GPHN: variants seen among roughly 807,000 people sequenced by gnomAD.
The protein encoded by GPHN is gephyrin.
GPHN carries 17 observed loss-of-function variants against 95.5 expected under a neutral mutation model. The observed-to-expected ratio is 0.18, with a 90% CI of 0.12 to 0.27. The LOEUF is 0.27. GPHN is among the 10% of genes least tolerant of loss of function. The pLI is 1.00. For missense variants in GPHN, 660 were observed against 978.1 expected (o/e 0.67, Z 4.34); for synonymous variants, 320 against 322.5 (o/e 0.99, Z 0.08).
At chr14:67,167,540 T>C (rs17104067) in intron 20 of GPHN, among the ~76,000 whole-genome samples, 7,732 of 152,294 alleles carry the variant, frequency 0.051, 210 homozygotes, top group Middle Eastern at 0.068. Flanking sequence ...AATCTATTCT[T>C]AAGCACTTTT....
At chr14:67,275,054 G>A in the GPHN span, among the ~76,000 whole-genome samples, 3,657 of 152,268 alleles carry the variant, frequency 0.024, 70 homozygotes, top group Non-Finnish European at 0.036. Context: ...AGACAATCAT[G>A]TCATCTGCAA....
chr14:67,003,114 C>T (rs1414888555), intron 9 of GPHN, among the ~76,000 whole-genome samples: 2 of 151,604 alleles, frequency 1.3e-5, no homozygotes, highest in East Asian at 1.9e-4. Context: ...TCCAAAATCA[C>T]TTTCCCATTT....
At chr14:66,734,207 A>G (rs200968327) in intron 2 of GPHN, among the ~76,000 whole-genome samples, 4 of 152,284 alleles carry the variant, frequency 2.6e-5, no homozygotes, top group East Asian at 1.9e-4. Context: ...GTGGCTCTCT[A>G]TAACATTCAG....
the GPHN span, among the ~76,000 whole-genome samples, chr14:67,630,095 T>C: frequency 3.9e-5 from 6 of 152,268 alleles, no homozygotes; most frequent in African/African-American, 1.4e-4. Flanking sequence ...GGGTAGGGAC[T>C]CTCTCAACTT....
chr14:67,247,587 T>C, the GPHN span, among the ~76,000 whole-genome samples: 1 of 146,492 alleles, frequency 6.8e-6, no homozygotes, highest in Admixed American at 6.8e-5. Context: ...TCTTGTTCAC[T>C]TTTTTTTTTT....
intron 1 of GPHN, among the ~76,000 whole-genome samples, chr14:66,669,190 C>G (rs969790186): frequency 3.9e-5 from 6 of 152,012 alleles, no homozygotes; most frequent in Non-Finnish European, 8.8e-5. Flanking sequence ...ATGGAGAAAC[C>G]CCATCTCTAC....
chr14:67,432,365 G>A, the GPHN span, among the ~76,000 whole-genome samples: 3 of 152,218 alleles, frequency 2.0e-5, no homozygotes, highest in East Asian at 1.9e-4. Flanking sequence ...CTTGGCGAAC[G>A]AGCCCTGGTT....
At chr14:67,451,709 G>A in the GPHN span, among the ~76,000 whole-genome samples, 7 of 152,190 alleles carry the variant, frequency 4.6e-5, no homozygotes, top group African/African-American at 1.2e-4. Flanking sequence ...GATTTTACAG[G>A]CTCATAGATA....
chr14:67,545,518 G>C, the GPHN span, among the ~76,000 whole-genome samples: 1 of 151,890 alleles, frequency 6.6e-6, no homozygotes, highest in Non-Finnish European at 1.5e-5. Context: ...ATACAGATAG[G>C]GACAAGAAAA....
At chr14:67,097,871 C>G (rs1260080052) in intron 12 of GPHN, among the ~76,000 whole-genome samples, 1 of 152,080 alleles carries the variant, frequency 6.6e-6, no homozygotes, top group African/African-American at 2.4e-5. Context: ...TATACACACA[C>G]ATATATAACA....
At chr14:67,315,626 T>A in the GPHN span, among the ~76,000 whole-genome samples, 1 of 152,210 alleles carries the variant, frequency 6.6e-6, no homozygotes, top group East Asian at 1.9e-4. Flanking sequence ...TAGTTACTTG[T>A]ACTAAGAATA....
chr14:67,224,022 A>T, the GPHN span: 4 of 971,214 alleles, frequency 4.1e-6, no homozygotes, highest in Non-Finnish European at 4.9e-6. Flanking sequence ...AATTCCTGGC[A>T]TTATTAAGCT....
the GPHN span, chr14:67,381,726 C>T: frequency 1.3e-5 from 18 of 1,395,024 alleles, no homozygotes; most frequent in Non-Finnish European, 1.8e-5. Context: ...TGCTGAAATG[C>T]TCACCTAAAC....
intron 10 of GPHN, among the ~76,000 whole-genome samples, chr14:67,043,890 C>A (rs570861054): frequency 6.6e-6 from 1 of 152,136 alleles, no homozygotes; most frequent in East Asian, 1.9e-4. Context: ...TAATTACTGC[C>A]TCAATTTCAG....
At chr14:67,609,691 C>T in the GPHN span, among the ~76,000 whole-genome samples, 1 of 152,188 alleles carries the variant, frequency 6.6e-6, no homozygotes, top group Admixed American at 6.5e-5. Context: ...GAAAGGGGCT[C>T]ATTATAAATA....
chr14:66,556,376 C>T (rs1157822043), intron 1 of GPHN, among the ~76,000 whole-genome samples: 1 of 152,132 alleles, frequency 6.6e-6, no homozygotes, highest in Non-Finnish European at 1.5e-5. Flanking sequence ...ATCCTTGAAA[C>T]TCTGTTGATC....
At chr14:67,116,487 C>T (rs2078704522) in intron 16 of GPHN, among the ~76,000 whole-genome samples, 1 of 151,916 alleles carries the variant, frequency 6.6e-6, no homozygotes, top group Non-Finnish European at 1.5e-5. Context: ...AACCAGATAC[C>T]ACCTGTTCCC....
At chr14:67,317,043 G>T in the GPHN span, 8 of 626,406 alleles carry the variant, frequency 1.3e-5, no homozygotes, top group South Asian at 1.8e-4. Context: ...TCTCAGAACT[G>T]TAAAGAAAGG....
chr14:67,600,305 A>G, the GPHN span: 1 of 1,011,796 alleles, frequency 9.9e-7, no homozygotes. Context: ...CCGCGTCACC[A>G]CGCCCCGCCC....
Sources: allele counts gnomAD v4.1 joint callset (sites outside exome capture counted in the v4.1 genomes callset), GRCh38; gene constraint gnomAD v4.1.1; transcripts MANE v1.5; gene names NCBI Gene and HGNC (gene_info 2026-07-23, HGNC 2026-07-21).